Variants in NPAS3 observed in about 807,000 individuals in gnomAD.
NPAS3 encodes neuronal PAS domain protein 3, also known as neuronal PAS domain-containing protein 3.
In NPAS3, 14 loss-of-function variants were observed where a neutral mutation model predicts 73.1. That is an observed-to-expected ratio of 0.19 (90% confidence interval 0.13 to 0.30). NPAS3 has a LOEUF of 0.30. Among genes scored for constraint, NPAS3 ranks in the 10% least tolerant of loss-of-function variants. The pLI, the probability that NPAS3 is intolerant of heterozygous loss-of-function variation, is 1.00. For synonymous variants in NPAS3, 620 were observed against 541.5 expected, an observed-to-expected ratio of 1.14 and a Z score of -2.01; for missense variants, 1,096 against 1,250.0, an observed-to-expected ratio of 0.88 and a Z score of 1.86.
chr14:33,451,893 T>C (rs1003198290), intron 4 of NPAS3, among the ~76,000 whole-genome samples: 8 of 152,342 alleles, frequency 5.3e-5, no homozygotes, highest in Middle Eastern at 3.4e-3. Context: ...TGAGTATCCA[T>C]ACAAGTATCA....
At chr14:33,680,874 C>G (rs926653361) in intron 6 of NPAS3, 4 of 502,060 alleles carry the variant, frequency 8.0e-6, no homozygotes, top group African/African-American at 3.9e-5. Flanking sequence ...CATGTTTTGT[C>G]TAAATTTTCA....
rs112271316 is a variant in NPAS3, at chr14:32,975,965, C to T, written c.50+36599C>T. 9.8e-4 allele frequency among the ~76,000 whole-genome samples: 149 copies of T among 151,950 alleles called. 1 individual carries two copies. The highest frequency in any genetic ancestry group is 3.4e-3 in the African/African-American group (143 of 41,462). ...CACCCTAACCTTAGACTTTTTCTTC[C>T]TCTGGCCTCCTTGGGGACCACAACT... is the stretch of plus-strand genomic sequence containing the variant. On this transcript the variant is annotated intron_variant, in intron 1 of 11. Coordinates refer to ENST00000356141, the Ensembl canonical transcript of NPAS3.
chr14:33,322,807 T>C (rs945999148), intron 3 of NPAS3, among the ~76,000 whole-genome samples: 6 of 151,882 alleles, frequency 4.0e-5, no homozygotes. Context: ...ATAGAAGAGG[T>C]GTTTTGGTGT....
At chr14:33,357,544 A>G (rs774212563) in intron 3 of NPAS3, among the ~76,000 whole-genome samples, 2 of 152,254 alleles carry the variant, frequency 1.3e-5, no homozygotes, top group Non-Finnish European at 2.9e-5. Context: ...TGGAATAAAG[A>G]TAGTTATTGA....
At chr14:33,574,438 A>T (rs920909604) in intron 5 of NPAS3, among the ~76,000 whole-genome samples, 2 of 152,110 alleles carry the variant, frequency 1.3e-5, no homozygotes, top group Non-Finnish European at 2.9e-5. Flanking sequence ...CAGTTGAAAG[A>T]TTTCCGTGAT....
chr14:33,793,140 G>A (rs1370107984), intron 9 of NPAS3, among the ~76,000 whole-genome samples: 2 of 152,126 alleles, frequency 1.3e-5, no homozygotes, highest in Non-Finnish European at 2.9e-5. Context: ...GTATTTAATG[G>A]CACCGTTTCA....
At chr14:32,980,318 C>G (rs1214407482) in intron 1 of NPAS3, among the ~76,000 whole-genome samples, 1 of 152,042 alleles carries the variant, frequency 6.6e-6, no homozygotes, top group Non-Finnish European at 1.5e-5. Context: ...GGGTTTTGAG[C>G]TTTGAAAAGG....
At chr14:33,337,621 A>G (rs887429322) in intron 3 of NPAS3, among the ~76,000 whole-genome samples, 8 of 152,054 alleles carry the variant, frequency 5.3e-5, no homozygotes, top group African/African-American at 1.9e-4. Flanking sequence ...TTTCTATAAA[A>G]ATTCCTGCTG....
At chr14:33,360,848 C>A (rs1026553763) in intron 3 of NPAS3, among the ~76,000 whole-genome samples, 6 of 152,182 alleles carry the variant, frequency 3.9e-5, no homozygotes, top group African/African-American at 1.4e-4. Context: ...ACTCTCCACG[C>A]CTCGGCCCAG....
At chr14:32,979,298 G>A (rs1179688244) in intron 1 of NPAS3, among the ~76,000 whole-genome samples, 1 of 151,724 alleles carries the variant, frequency 6.6e-6, no homozygotes, top group Non-Finnish European at 1.5e-5. Flanking sequence ...TATAAAATAG[G>A]GCTATTACTA....
chr14:33,769,223 G>GA (rs201664281), intron 7 of NPAS3, among the ~76,000 whole-genome samples: 11 of 151,096 alleles, frequency 7.3e-5, no homozygotes, highest in Admixed American at 2.0e-4. Flanking sequence ...CCTCCAGGAA[G>GA]AAAAAAAAAT....
chr14:33,792,644 T>G (rs1480224615), intron 9 of NPAS3, among the ~76,000 whole-genome samples: 1 of 152,200 alleles, frequency 6.6e-6, no homozygotes, highest in African/African-American at 2.4e-5. Flanking sequence ...AAGCACTTAT[T>G]AGCCGTAATT....
At chr14:33,102,540 T>C (rs1181542079) in intron 2 of NPAS3, among the ~76,000 whole-genome samples, 1 of 152,182 alleles carries the variant, frequency 6.6e-6, no homozygotes, top group Non-Finnish European at 1.5e-5. Context: ...ACCTGGCATA[T>C]AGTAAGTGCC....
At chr14:33,734,198 A>AT (rs895839534) in intron 6 of NPAS3, among the ~76,000 whole-genome samples, 44 of 150,380 alleles carry the variant, frequency 2.9e-4, no homozygotes, top group Middle Eastern at 6.9e-3. Flanking sequence ...TTCTTGGACA[A>AT]TTTTTTTTTT....
At chr14:33,111,544 A>G (rs547126889) in intron 2 of NPAS3, among the ~76,000 whole-genome samples, 15 of 152,246 alleles carry the variant, frequency 9.9e-5, no homozygotes, top group Admixed American at 4.6e-4. Flanking sequence ...TTAATATTCC[A>G]TTATTAATGT....
At chr14:33,313,440 C>T (rs1397904361) in intron 3 of NPAS3, among the ~76,000 whole-genome samples, 4 of 152,018 alleles carry the variant, frequency 2.6e-5, no homozygotes, top group African/African-American at 4.8e-5. Context: ...CAAGGCACCT[C>T]GCTGTAGTAC....
intron 5 of NPAS3, among the ~76,000 whole-genome samples, chr14:33,633,120 A>T (rs2058425914): frequency 6.6e-6 from 1 of 152,226 alleles, no homozygotes; most frequent in African/African-American, 2.4e-5. Context: ...AGTAACCTAG[A>T]GGTGATTTAA....
intron 2 of NPAS3, among the ~76,000 whole-genome samples, chr14:33,193,499 G>C (rs1367707986): frequency 6.6e-6 from 1 of 152,188 alleles, no homozygotes; most frequent in African/African-American, 2.4e-5. Flanking sequence ...CAGGCTGGAG[G>C]ATGGCGATGA....
chr14:33,729,664 C>T (rs992898131), intron 6 of NPAS3, among the ~76,000 whole-genome samples: 2 of 152,258 alleles, frequency 1.3e-5, no homozygotes, highest in South Asian at 2.1e-4. Context: ...GCCTAAGTGT[C>T]GTCCCAACGT....
Sources: gnomAD v4.1 joint callset for allele counts (sites outside exome capture counted in the v4.1 genomes callset) on GRCh38, gnomAD v4.1.1 for gene constraint, MANE v1.5 for transcripts, NCBI Gene and HGNC (gene_info 2026-07-23, HGNC 2026-07-21) for gene names.